Variants in GOLM1 observed in about 807,000 individuals in gnomAD.
GOLM1 encodes the protein golgi membrane protein 1.
A neutral mutation model predicts 50.5 loss-of-function variants in GOLM1; 31 were observed. The observed-to-expected ratio is 0.61, with a 90% CI of 0.46 to 0.83. GOLM1 has a LOEUF of 0.83. Ranked by LOEUF, GOLM1 falls within the 40% of genes least tolerant of loss-of-function variation. GOLM1 has a pLI of 0.00. For synonymous variants in GOLM1, 178 were observed against 192.8 expected, an observed-to-expected ratio of 0.92 and a Z score of 0.64; for missense variants, 491 against 501.3, an observed-to-expected ratio of 0.98 and a Z score of 0.20.
At chr9:86,030,850 A>C (rs1159129117) in intron 9 of GOLM1, among the ~76,000 whole-genome samples, 1 of 152,250 alleles carries the variant, frequency 6.6e-6, no homozygotes, top group African/African-American at 2.4e-5. Context: ...AGATTATTTC[A>C]AAATGAAAAG....
intron 6 of GOLM1, among the ~76,000 whole-genome samples, chr9:86,039,474 A>G (rs1277144763): frequency 6.6e-6 from 1 of 152,244 alleles, no homozygotes; most frequent in Non-Finnish European, 1.5e-5. Context: ...ATGAAAACAT[A>G]TGACCACACA....
Position 86,095,061 on chromosome 9 carries a change from C to T in GOLM1, c.-22+4350G>A, listed in dbSNP as rs190350826. 4.1e-3 allele frequency among the ~76,000 whole-genome samples: 515 copies of T among 124,502 alleles called. 3 individuals are homozygous for T. The highest frequency in any genetic ancestry group is 0.013 in the African/African-American group (418 of 32,368). 81.7% of individuals were successfully genotyped at this position (124,502 alleles called of 152,430 possible). On this transcript the variant is annotated intron_variant, in intron 1 of 9. Transcript: ENST00000388712. ...TAGTGCCATTGCTCTCCAGCCTGGG[C>T]AAAAACCCCGTCTAAAAAAAAAAAA...
At chr9:86,040,380 T>C (rs1198589339) in intron 6 of GOLM1, among the ~76,000 whole-genome samples, 1 of 152,138 alleles carries the variant, frequency 6.6e-6, no homozygotes, top group African/African-American at 2.4e-5. Context: ...CGGCCAGACC[T>C]GAGGTCTTGA....
At chr9:86,088,348 G>A (rs1046140576) in intron 1 of GOLM1, among the ~76,000 whole-genome samples, 4 of 145,764 alleles carry the variant, frequency 2.7e-5, no homozygotes, top group Non-Finnish European at 6.0e-5. Flanking sequence ...TTATTAGTCT[G>A]GCTAGCAGTC....
At chr9:86,071,560 T>C (rs960265313) in intron 3 of GOLM1, among the ~76,000 whole-genome samples, 1 of 151,792 alleles carries the variant, frequency 6.6e-6, no homozygotes, top group African/African-American at 2.4e-5. Flanking sequence ...AGGTCTGTAA[T>C]CCCAGCTACT....
chr9:86,076,938 GT>G (rs1358922433), intron 3 of GOLM1, among the ~76,000 whole-genome samples: 2 of 151,908 alleles, frequency 1.3e-5, no homozygotes, highest in Non-Finnish European at 2.9e-5. Context: ...GGATTTGTTG[GT>G]TTTTTTCCTA....
intron 9 of GOLM1, among the ~76,000 whole-genome samples, chr9:86,030,386 A>C (rs534169828): frequency 1.3e-5 from 2 of 152,330 alleles, no homozygotes; most frequent in African/African-American, 4.8e-5. Flanking sequence ...AAATTGCCTA[A>C]ATGAAGACAG....
At position 86,027,800 on chromosome 9, in the gene GOLM1, T is replaced by C. The variant is rs187729135; in HGVS notation, c.*17A>G. The C allele has an allele frequency of 1.3e-4, 204 of 1,611,586 alleles. No individual in the cohort carries two copies. Among genetic ancestry groups the C allele is most frequent in the Admixed American group, 6.4e-4 (38 of 59,744 alleles). On this transcript the variant is annotated 3_prime_UTR_variant, in exon 10 of 10. Coordinates refer to ENST00000388712, the MANE Select transcript of GOLM1 (RefSeq NM_016548.4). ...ATCTCTTCGGCCCTGTTGTGAAATATGTGATTCCAGTTCAATTCAGAGTGT... is the reference window on the plus strand; with the variant it reads ...ATCTCTTCGGCCCTGTTGTGAAATACGTGATTCCAGTTCAATTCAGAGTGT...
At chr9:86,083,867 T>C (rs1263627501) in intron 1 of GOLM1, among the ~76,000 whole-genome samples, 1 of 152,210 alleles carries the variant, frequency 6.6e-6, no homozygotes, top group Non-Finnish European at 1.5e-5. Context: ...AAACCTGAAC[T>C]GAGATCAAGG....
chr9:86,088,458 T>TATATATATA (rs1835059344), intron 1 of GOLM1, among the ~76,000 whole-genome samples: 1 of 96,048 alleles, frequency 1.0e-5, no homozygotes, highest in Non-Finnish European at 1.9e-5. Context: ...ATATATATAT[T>TATATATATA]TAGGATAGAT....
chr9:86,048,803 A>C (rs138019839), intron 4 of GOLM1, among the ~76,000 whole-genome samples: 81 of 152,224 alleles, frequency 5.3e-4, no homozygotes, highest in African/African-American at 1.8e-3. Flanking sequence ...TAGATTCAAA[A>C]ATTTTCTCCC....
chr9:86,070,676 C>T (rs1834423791), intron 3 of GOLM1, among the ~76,000 whole-genome samples: 3 of 152,188 alleles, frequency 2.0e-5, no homozygotes, highest in African/African-American at 7.2e-5. Flanking sequence ...GCCCCAGGCA[C>T]ATCCTAGACA....
intron 3 of GOLM1, among the ~76,000 whole-genome samples, chr9:86,072,360 C>T (rs1834473950): frequency 6.6e-6 from 1 of 152,140 alleles, no homozygotes. Flanking sequence ...GAAAACCATT[C>T]TATGTCTCAT....
intron 3 of GOLM1, among the ~76,000 whole-genome samples, chr9:86,054,146 G>A (rs906521837): frequency 3.3e-5 from 5 of 152,030 alleles, no homozygotes; most frequent in African/African-American, 9.7e-5. Context: ...AGATAACAAC[G>A]ACAAAGTGAA....
At chr9:86,078,969 C>A (rs753131151) in intron 2 of GOLM1, among the ~76,000 whole-genome samples, 1 of 152,080 alleles carries the variant, frequency 6.6e-6, no homozygotes, top group East Asian at 1.9e-4. Context: ...ATACCACAAC[C>A]GCAATCCTAC....
upstream of GOLM1, among the ~76,000 whole-genome samples, chr9:86,099,739 G>A (rs1487683973): frequency 4.6e-5 from 7 of 151,934 alleles, no homozygotes; most frequent in Non-Finnish European, 1.5e-5. Context: ...GCCAGCGTGC[G>A]CCCAGTTCTC....
At chr9:86,030,733 CATT>C (rs1564338870) in intron 9 of GOLM1, among the ~76,000 whole-genome samples, 1 of 152,272 alleles carries the variant, frequency 6.6e-6, no homozygotes, top group African/African-American at 2.4e-5. Context: ...ATTGTATAAA[CATT>C]AATTTCCTTA....
chr9:86,032,351 TAGAG>T (rs1564339513), intron 9 of GOLM1, among the ~76,000 whole-genome samples: 1 of 152,140 alleles, frequency 6.6e-6, no homozygotes, highest in Non-Finnish European at 1.5e-5. Flanking sequence ...CTCTTTTTAG[TAGAG>T]ACGGGGTTTC....
rs964729329 is a variant in GOLM1, at chr9:86,026,909, A to G, written c.*908T>C. On this transcript the variant is annotated 3_prime_UTR_variant, in exon 10 of 10. Transcript: ENST00000388712. ...ACACTGTATATATCCTTCGACATCA[A>G]TGAACTTTGTTTTCTTTTACTCCAG... 112 of 984,666 alleles carry G rather than the reference A, an allele frequency of 1.1e-4. No homozygotes were observed. The highest frequency in any genetic ancestry group is 1.4e-4 in the South Asian group (3 of 21,270). The allele number at this position is 984,666 out of a possible 1,614,324, so 61.0% of individuals were successfully genotyped here.
Sources: gnomAD v4.1 joint callset for allele counts (sites outside exome capture counted in the v4.1 genomes callset) on GRCh38, gnomAD v4.1.1 for gene constraint, MANE v1.5 for transcripts, NCBI Gene and HGNC (gene_info 2026-07-23, HGNC 2026-07-21) for gene names.